TSBP1: variants seen among roughly 807,000 people sequenced by gnomAD.
TSBP1 encodes the protein testis-expressed basic protein 1.
In TSBP1, 56 loss-of-function variants were observed where a neutral mutation model predicts 68.8. The observed-to-expected ratio is 0.81, with a 90% CI of 0.66 to 1.02. The LOEUF (loss-of-function observed/expected upper bound fraction) is 1.02. Ranked by LOEUF, TSBP1 falls within the 50% of genes least tolerant of loss-of-function variation. The pLI is 0.00. For synonymous variants in TSBP1, 171 were observed against 208.7 expected (o/e 0.82, Z 1.56); for missense variants, 502 against 641.2 (o/e 0.78, Z 2.34).
chr6:32,307,105 C>A (rs9268177), intron 19 of TSBP1, among the ~76,000 whole-genome samples: 9,499 of 151,800 alleles, frequency 0.063, 459 homozygotes, highest in Non-Finnish European at 0.11. Flanking sequence ...ATTATTGTGT[C>A]CTACTCTTGA....
At chr6:32,332,971 G>A (rs370953599) in intron 14 of TSBP1, among the ~76,000 whole-genome samples, 31 of 151,764 alleles carry the variant, frequency 2.0e-4, no homozygotes, top group Admixed American at 7.2e-4. Context: ...CTGATCGCCT[G>A]GTGACCTGAT....
intron 6 of TSBP1, among the ~76,000 whole-genome samples, chr6:32,359,728 A>G (rs1050810763): frequency 2.0e-5 from 3 of 152,126 alleles, no homozygotes; most frequent in Non-Finnish European, 4.4e-5. Flanking sequence ...GCCCATGCCT[A>G]TGTCCTGAAT....
intron 19 of TSBP1, among the ~76,000 whole-genome samples, chr6:32,310,742 T>TACAC (rs1766296110): frequency 4.0e-5 from 5 of 124,484 alleles, no homozygotes; most frequent in Non-Finnish European, 8.4e-5. Context: ...CAAATATATA[T>TACAC]ACATATATAT....
At chr6:32,332,166 A>C (rs907735998) in intron 14 of TSBP1, 112 bp from the exon 16 acceptor site, 2 of 768,604 alleles carry the variant, frequency 2.6e-6, no homozygotes, top group Non-Finnish European at 4.6e-6. Flanking sequence ...AGAGGAAGTG[A>C]TATCAGTTAT....
At chr6:32,303,215 C>G (rs1230612536) in intron 19 of TSBP1, among the ~76,000 whole-genome samples, 1 of 152,108 alleles carries the variant, frequency 6.6e-6, no homozygotes, top group Non-Finnish European at 1.5e-5. Flanking sequence ...TCACCTATTT[C>G]ATGTTCCATC....
chr6:32,300,918 T>A (rs1765220402), intron 20 of TSBP1, among the ~76,000 whole-genome samples: 1 of 152,260 alleles, frequency 6.6e-6, no homozygotes, highest in South Asian at 2.1e-4. Flanking sequence ...TTATCATTGA[T>A]CATTATCAAT....
chr6:32,368,559 C>T (rs763160420), intron 3 of TSBP1, among the ~76,000 whole-genome samples: 3 of 152,118 alleles, frequency 2.0e-5, no homozygotes, highest in Non-Finnish European at 4.4e-5. Flanking sequence ...TTATGCAGGC[C>T]TACCCAGTAT....
Position 32,365,716 on chromosome 6 carries a change from G to C in TSBP1, c.217+451C>G, listed in dbSNP as rs1375906426. ...CTCAGCATTGAGTTGTGCCACCTTGGGGGAGGAGTGATGTGGGTAAAGTGA... is the reference window on the plus strand; with the variant it reads ...CTCAGCATTGAGTTGTGCCACCTTGCGGGAGGAGTGATGTGGGTAAAGTGA... On this transcript the variant is annotated intron_variant, in intron 6 of 22. Coordinates refer to ENST00000612031, the Ensembl canonical transcript of TSBP1. The surrounding 1 kb of genome is among the most constrained non-coding windows in gnomAD (Gnocchi z 4.3). The C allele has an allele frequency of 2.3e-6, 1 of 428,524 alleles. No individual in the cohort carries two copies. Among genetic ancestry groups the C allele is most frequent in the African/African-American group, 2.0e-5 (1 of 49,384 alleles). The allele number at this position is 428,524 out of a possible 1,614,324, so 26.5% of individuals were successfully genotyped here.
At chr6:32,366,697 A>G (rs958755446) in intron 4 of TSBP1, among the ~76,000 whole-genome samples, 4 of 133,532 alleles carry the variant, frequency 3.0e-5, no homozygotes, top group African/African-American at 1.1e-4. Flanking sequence ...CGGGAGGCGG[A>G]GCTTGCAGTG....
rs533906089 is a variant in TSBP1 at position 32,324,100 on chromosome 6, C to A, written c.515-486G>T. ...ATAAAATAGTAAGTTTGATTTTTTC[C>A]ATAGAGTTATTTAAAAGGTGAGAGA... is the stretch of plus-strand genomic sequence containing the variant. On this transcript the variant is annotated intron_variant, in intron 16 of 22. Coordinates refer to ENST00000612031, the Ensembl canonical transcript of TSBP1. Among the ~76,000 whole-genome samples the A allele has an allele frequency of 6.6e-5, 10 of 152,054 alleles. No homozygotes were observed. The South Asian group carries it at 1.5e-3, about 22-fold the overall frequency.
intron 9 of TSBP1, chr6:32,349,512 G>T: frequency 4.2e-6 from 2 of 476,576 alleles, no homozygotes; most frequent in Admixed American, 3.8e-5. Flanking sequence ...AACACTTCAG[G>T]TTTGGAAATT....
Position 32,335,470 on chromosome 6 carries a change from G to A in TSBP1, c.452-13C>T. The stretch of plus-strand genomic sequence containing the variant: ...TTTTGAGAGAGCTCTAAAAAAAAAA[G>A]AGAAAAGAAATCAGTAGCTATATAT... On this transcript the variant is annotated splice_polypyrimidine_tract_variant and intron_variant, in intron 13 of 22. Transcript: ENST00000612031. The surrounding 1 kb of genome is among the most constrained non-coding windows in gnomAD (Gnocchi z 5.5). 1.4e-6 allele frequency: 2 copies of A among 1,403,250 alleles called. No homozygotes were observed. Among genetic ancestry groups the A allele is most frequent in the Non-Finnish European group, 9.5e-7 (1 of 1,050,934 alleles). The allele number at this position is 1,403,250 out of a possible 1,614,324, so 86.9% of individuals were successfully genotyped here.
Position 32,299,822 on chromosome 6 carries a change from T to C in TSBP1, c.637+100A>G, listed in dbSNP as rs543731303. 80 of 947,286 alleles carry C rather than the reference T, an allele frequency of 8.4e-5. No individual in the cohort carries two copies. The Middle Eastern group carries it at 8.5e-4, about 10-fold the overall frequency. 58.7% of individuals were successfully genotyped at this position (947,286 alleles called of 1,614,324 possible). The stretch of plus-strand genomic sequence containing the variant: ...AAGATAGGAACATTCAAATTGGCCT[T>C]AGAAGCACAGGCCTCTATTTTGGGA... On this transcript the variant is annotated intron_variant, in intron 22 of 22. Coordinates refer to ENST00000612031, the Ensembl canonical transcript of TSBP1.
chr6:32,340,804 CTTTTTTTTT>C lies in TSBP1; in HGVS notation c.350-1175_350-1167del, dbSNP rs9281742. Among the ~76,000 whole-genome samples the C allele has an allele frequency of 6.8e-6, 1 of 147,926 alleles. No individual in the cohort carries two copies. Among genetic ancestry groups the C allele is most frequent in the African/African-American group, 2.5e-5 (1 of 40,316 alleles). On this transcript the variant is annotated intron_variant, in intron 9 of 22. Coordinates refer to ENST00000612031, the Ensembl canonical transcript of TSBP1. This position sits in a 1 kb window ranked among gnomAD's most constrained non-coding sequence, Gnocchi z 4.8. ...AATGAGGAGAAAGGAATTTTTCTTT[CTTTTTTTTT>C]TTGAGACAATCTCTCTCTGTCACCC...
At chr6:32,309,878 A>G (rs1249842282) in intron 19 of TSBP1, among the ~76,000 whole-genome samples, 1 of 152,158 alleles carries the variant, frequency 6.6e-6, no homozygotes, top group Non-Finnish European at 1.5e-5. Flanking sequence ...CCTATTAACC[A>G]TTCCCAATTT....
chr6:32,296,945 C>G (rs1204386825), intron 22 of TSBP1, among the ~76,000 whole-genome samples: 1 of 152,154 alleles, frequency 6.6e-6, no homozygotes, highest in Non-Finnish European at 1.5e-5. Flanking sequence ...CCTCTAGTTA[C>G]TTCTAATAGA....
chr6:32,299,153 A>T (rs114069575), intron 22 of TSBP1, among the ~76,000 whole-genome samples: 3 of 152,178 alleles, frequency 2.0e-5, no homozygotes, highest in African/African-American at 4.8e-5. Context: ...CTGGGTTTAA[A>T]TCCTGACACC....
intron 2 of TSBP1, among the ~76,000 whole-genome samples, chr6:32,369,182 G>A (rs566864568): frequency 1.1e-4 from 16 of 151,522 alleles, no homozygotes; most frequent in Non-Finnish European, 2.1e-4. Context: ...CTCTGTATTT[G>A]TCTCTTCTTA....
rs1359687061 is a variant in TSBP1 at position 32,325,158 on chromosome 6, C to A, written c.515-1544G>T. 3 of 510,814 alleles carry A rather than the reference C, an allele frequency of 5.9e-6. No individual in the cohort carries two copies. The highest frequency in any genetic ancestry group is 3.9e-5 in the African/African-American group (2 of 51,542). The allele number at this position is 510,814 out of a possible 1,614,324, so 31.6% of individuals were successfully genotyped here. ...GAAACTTATTAATAATTTATTTATG[C>A]CTTTCTGCCCATGGATGCCATGGAA... is the stretch of plus-strand genomic sequence containing the variant. On this transcript the variant is annotated intron_variant, in intron 16 of 22. Coordinates refer to ENST00000612031, the Ensembl canonical transcript of TSBP1. This position sits in a 1 kb window ranked among gnomAD's most constrained non-coding sequence, Gnocchi z 4.4.
Sources: gnomAD v4.1 joint callset for allele counts (sites outside exome capture counted in the v4.1 genomes callset) on GRCh38, gnomAD v4.1.1 for gene constraint, Gnocchi (gnomAD v3.1) non-coding constraint, MANE v1.5 for transcripts, NCBI Gene and HGNC (gene_info 2026-07-23, HGNC 2026-07-21) for gene names.